DDR2: variants seen among roughly 807,000 people sequenced by gnomAD.
DDR2 encodes discoidin domain-containing receptor 2.
Under a neutral mutation model 94.9 loss-of-function variants are expected in DDR2, and 27 were observed. That is an observed-to-expected ratio of 0.28 (90% CI 0.21 to 0.39). DDR2 has a LOEUF of 0.39. Ranked by LOEUF, DDR2 falls within the 10% of genes least tolerant of loss-of-function variation. The pLI, the probability that DDR2 is intolerant of heterozygous loss-of-function variation, is 1.00. For synonymous variants in DDR2, 382 were observed against 377.2 expected (o/e 1.01, Z -0.15); for missense variants, 783 against 1,076.0 (o/e 0.73, Z 3.81).
chr1:162,749,709 A>C (rs1390767005), intron 3 of DDR2, among the ~76,000 whole-genome samples: 1 of 152,190 alleles, frequency 6.6e-6, no homozygotes, highest in Non-Finnish European at 1.5e-5. Context: ...ACAACAACAA[A>C]AAAGAGAATT....
intron 2 of DDR2, among the ~76,000 whole-genome samples, chr1:162,662,548 T>G (rs1329248477): frequency 6.6e-6 from 1 of 152,176 alleles, no homozygotes; most frequent in Non-Finnish European, 1.5e-5. Flanking sequence ...AGAAAAGAGC[T>G]TCATTTCACA....
chr1:162,715,779 G>T (rs1025309692), intron 2 of DDR2, among the ~76,000 whole-genome samples: 1 of 152,162 alleles, frequency 6.6e-6, no homozygotes, highest in African/African-American at 2.4e-5. Context: ...GTAAGAGATG[G>T]TCTCTGATTC....
At chr1:162,674,183 A>T (rs1174708875) in intron 2 of DDR2, among the ~76,000 whole-genome samples, 2 of 152,172 alleles carry the variant, frequency 1.3e-5, no homozygotes, top group African/African-American at 4.8e-5. Context: ...TGGCAAAACC[A>T]TCCATTCAAG....
Position 162,642,204 on chromosome 1 carries a change from G to A in DDR2, c.-192+9573G>A, listed in dbSNP as rs925670830. ...ACTCCTGACCTCAGGTGATCCACCC[G>A]CCATGGCTTCCCAAAGTGTTGGGAT... is the stretch of plus-strand genomic sequence containing the variant. On this transcript the variant is annotated intron_variant, in intron 1 of 17. Coordinates refer to ENST00000367921, the MANE Select transcript of DDR2 (RefSeq NM_006182.4). 3.9e-5 allele frequency among the ~76,000 whole-genome samples: 6 copies of A among 152,172 alleles called. No individual in the cohort carries two copies. In the East Asian group the frequency reaches 9.7e-4, roughly 25 times the overall value.
intron 2 of DDR2, among the ~76,000 whole-genome samples, chr1:162,695,384 A>G (rs1357464126): frequency 6.6e-6 from 1 of 152,176 alleles, no homozygotes; most frequent in South Asian, 2.1e-4. Flanking sequence ...GGCAGTAGCC[A>G]CCACGCCGGC....
At chr1:162,729,891 G>T (rs1661938038) in intron 3 of DDR2, among the ~76,000 whole-genome samples, 3 of 151,734 alleles carry the variant, frequency 2.0e-5, no homozygotes, top group African/African-American at 7.3e-5. Flanking sequence ...TTACAGGCAT[G>T]CACCACCACG....
chr1:162,653,630 C>G (rs1245784157), intron 1 of DDR2, among the ~76,000 whole-genome samples: 2 of 151,858 alleles, frequency 1.3e-5, no homozygotes, highest in African/African-American at 4.8e-5. Context: ...TATTTTCTTC[C>G]CTGATGCTGA....
At chr1:162,692,706 G>T (rs962000005) in intron 2 of DDR2, among the ~76,000 whole-genome samples, 4 of 152,112 alleles carry the variant, frequency 2.6e-5, no homozygotes, top group African/African-American at 9.7e-5. Flanking sequence ...ATCAGACATG[G>T]TATAACCTAT....
intron 1 of DDR2, among the ~76,000 whole-genome samples, chr1:162,635,349 G>A (rs747845987): frequency 3.8e-4 from 58 of 151,960 alleles, no homozygotes; most frequent in African/African-American, 3.4e-4. Flanking sequence ...TTTTCAATTC[G>A]CATGAGCTCT....
At chr1:162,656,739 T>G (rs1341810080) in intron 2 of DDR2, among the ~76,000 whole-genome samples, 1 of 151,860 alleles carries the variant, frequency 6.6e-6, no homozygotes, top group Non-Finnish European at 1.5e-5. Flanking sequence ...GTTTCTCTAT[T>G]ACATGAGATT....
At chr1:162,683,811 A>G (rs1429547946) in intron 2 of DDR2, among the ~76,000 whole-genome samples, 3 of 152,244 alleles carry the variant, frequency 2.0e-5, no homozygotes, top group East Asian at 1.9e-4. Context: ...ATTCTCCCCA[A>G]ATCAATATAT....
intron 3 of DDR2, 57 bp downstream of exon 3, chr1:162,719,202 T>C: frequency 1.9e-6 from 3 of 1,611,982 alleles, no homozygotes; most frequent in Non-Finnish European, 2.5e-6. Flanking sequence ...TTTAAACCCA[T>C]CAATGTTCAA....
At chr1:162,769,452 A>G (rs943085554) in intron 11 of DDR2, among the ~76,000 whole-genome samples, 25 of 152,210 alleles carry the variant, frequency 1.6e-4, no homozygotes, top group Non-Finnish European at 1.0e-4. Flanking sequence ...GATTTAACCC[A>G]CATATATTGA....
chr1:162,723,338 C>T, intron 3 of DDR2, among the ~76,000 whole-genome samples: 1 of 152,116 alleles, frequency 6.6e-6, no homozygotes, highest in East Asian at 1.9e-4. Context: ...CCCTTATTTC[C>T]AGCTTGGGCT....
intron 2 of DDR2, among the ~76,000 whole-genome samples, chr1:162,687,493 T>C (rs1331957778): frequency 6.6e-6 from 1 of 152,194 alleles, no homozygotes; most frequent in Non-Finnish European, 1.5e-5. Context: ...GTTTTTTTCT[T>C]TTTAAATTTT....
chr1:162,686,346 T>C (rs1466444805), intron 2 of DDR2, among the ~76,000 whole-genome samples: 2 of 152,188 alleles, frequency 1.3e-5, no homozygotes, highest in African/African-American at 2.4e-5. Context: ...TAGGTATTTG[T>C]CCTAATGCTC....
rs76077110 is a variant in DDR2 at position 162,705,856 on chromosome 1, A to G, written c.-27-13181A>G. Among the ~76,000 whole-genome samples the G allele has an allele frequency of 1.6e-3, 247 of 152,348 alleles. 5 individuals carry two copies. The East Asian group carries it at 0.035, about 22-fold the overall frequency. ...AATGAGGAAAATTCATGTAAATCTT[A>G]GCACACTGCCTGATACATAATAAGT... is the stretch of plus-strand genomic sequence containing the variant. On this transcript the variant is annotated intron_variant, in intron 2 of 17. Transcript: ENST00000367921.
At chr1:162,691,536 T>C (rs191165440) in intron 2 of DDR2, among the ~76,000 whole-genome samples, 1 of 152,282 alleles carries the variant, frequency 6.6e-6, no homozygotes, top group Non-Finnish European at 1.5e-5. Flanking sequence ...TCAACAAACA[T>C]TGATGCAAAC....
At chr1:162,771,668 T>C (rs1647225918) in intron 12 of DDR2, among the ~76,000 whole-genome samples, 1 of 152,200 alleles carries the variant, frequency 6.6e-6, no homozygotes, top group African/African-American at 2.4e-5. Flanking sequence ...TTTAAGTCAA[T>C]AACAGTGTCT....
Sources: gnomAD v4.1 joint callset for allele counts (sites outside exome capture counted in the v4.1 genomes callset) on GRCh38, gnomAD v4.1.1 for gene constraint, MANE v1.5 for transcripts, NCBI Gene and HGNC (gene_info 2026-07-23, HGNC 2026-07-21) for gene names.